The following SFXN5 variants were observed in gnomAD, a reference collection of about 807,000 sequenced individuals.
SFXN5 encodes sideroflexin-5.
A neutral mutation model predicts 50.2 loss-of-function variants in SFXN5; 43 were observed. That is an observed-to-expected ratio of 0.86 (90% CI 0.67 to 1.11). The LOEUF (loss-of-function observed/expected upper bound fraction) is 1.11, where lower values mean the gene tolerates loss of function less well. Among genes scored for constraint, SFXN5 ranks in the 50% least tolerant of loss-of-function variants. The pLI, the probability that SFXN5 is intolerant of heterozygous loss-of-function variation, is 0.00. For synonymous variants in SFXN5, 203 were observed against 185.8 expected (o/e 1.09, Z -0.75); for missense variants, 463 against 454.1 (o/e 1.02, Z -0.18).
rs924218157 is a variant in SFXN5, at chr2:73,020,003, A to C, written c.357+236T>G. 1.8e-5 allele frequency: 9 copies of C among 493,206 alleles called. No homozygotes were observed. In the East Asian group the frequency reaches 2.9e-4, roughly 16 times the overall value. 30.6% of individuals were successfully genotyped at this position (493,206 alleles called of 1,614,324 possible). On this transcript the variant is annotated intron_variant, in intron 6 of 13. Coordinates refer to ENST00000272433, the MANE Select transcript of SFXN5 (RefSeq NM_144579.3). ...GGGGACAGAAAACGTGCAGGGAAGA[A>C]GGCAATTTTCAACTCAACGCTGGAT...
chr2:73,064,759 G>C (rs2106061236), intron 1 of SFXN5, among the ~76,000 whole-genome samples: 1 of 152,304 alleles, frequency 6.6e-6, no homozygotes, highest in East Asian at 1.9e-4. Flanking sequence ...CATCTCAGCA[G>C]ATAAGTGAGA....
chr2:73,039,507 C>T (rs1041792914), intron 3 of SFXN5, among the ~76,000 whole-genome samples: 8 of 152,128 alleles, frequency 5.3e-5, no homozygotes, highest in African/African-American at 1.4e-4. Context: ...GTATAGGCCC[C>T]AAAACCATGA....
At chr2:73,066,872 AAAAC>A (rs1228431400) in intron 1 of SFXN5, among the ~76,000 whole-genome samples, 6 of 152,166 alleles carry the variant, frequency 3.9e-5, no homozygotes, top group Admixed American at 6.5e-5. Context: ...AAACAGAAAG[AAAAC>A]AAACAAACAA....
intron 3 of SFXN5, among the ~76,000 whole-genome samples, chr2:73,030,144 A>T (rs1678118909): frequency 6.6e-6 from 1 of 152,050 alleles, no homozygotes; most frequent in African/African-American, 2.4e-5. Flanking sequence ...ACAAAAACAA[A>T]AAAGTCTCAC....
At chr2:73,071,433 C>T (rs993336154) in intron 1 of SFXN5, 171 bp downstream of exon 1, 2 of 615,172 alleles carry the variant, frequency 3.3e-6, no homozygotes, top group Non-Finnish European at 5.6e-6. Context: ...GCGCCCGCCC[C>T]GTTGACCAAT....
rs1413665544 is a variant in SFXN5 at position 73,055,809 on chromosome 2, G to A, written c.171+2719C>T. Among the ~76,000 whole-genome samples, 7 of 152,132 alleles carry A rather than the reference G, an allele frequency of 4.6e-5. No individual in the cohort carries two copies. In the South Asian group the frequency reaches 6.2e-4, roughly 14 times the overall value. On this transcript the variant is annotated intron_variant, in intron 2 of 13. Coordinates refer to ENST00000272433, the MANE Select transcript of SFXN5 (RefSeq NM_144579.3). ...TTTTTTTGTATTTTCAGTAGAGACC[G>A]GGTTTCACCATGTTAGCCAGGATGG...
At chr2:73,039,557 G>A (rs1349381739) in intron 3 of SFXN5, among the ~76,000 whole-genome samples, 1 of 152,150 alleles carries the variant, frequency 6.6e-6, no homozygotes, top group Non-Finnish European at 1.5e-5. Context: ...GGAAAGAAGT[G>A]TGTTTAGAGG....
At position 73,040,865 on chromosome 2, in the gene SFXN5, T is replaced by C. The variant is rs1409855268; in HGVS notation, c.238A>G (p.Thr80Ala). 1.2e-6 allele frequency: 2 copies of C among 1,612,254 alleles called. No individual in the cohort carries two copies. Among genetic ancestry groups the C allele is most frequent in the South Asian group, 1.1e-5 (1 of 90,526 alleles). The change falls in exon 3 of 14, where the codon ACC (threonine) becomes GCC (alanine). Residue 80 changes from threonine (T) to alanine (A), a missense_variant. Transcript: ENST00000272433. ...YKHGTLRPGV[T>A]NEQLWSAQKI... The stretch of plus-strand genomic sequence containing the variant: ...TCCCACAGAGTTACCTGTTCATTGG[T>C]GACCCCCGGGCGCAGGGTCCCATGC...
intron 6 of SFXN5, among the ~76,000 whole-genome samples, chr2:73,008,124 A>G (rs1674961704): frequency 6.6e-6 from 1 of 152,230 alleles, no homozygotes; most frequent in African/African-American, 2.4e-5. Flanking sequence ...CGACACCAGC[A>G]TCTTCTGATA....
chr2:73,058,421 C>T (rs1682408793), intron 2 of SFXN5, 107 bp downstream of exon 2: 6 of 1,028,756 alleles, frequency 5.8e-6, no homozygotes, highest in Non-Finnish European at 7.6e-6. Flanking sequence ...TCTCACCTCC[C>T]CTATTCTCTT....
chr2:72,965,678 A>T (rs1233672489), intron 12 of SFXN5, among the ~76,000 whole-genome samples: 3 of 151,706 alleles, frequency 2.0e-5, no homozygotes, highest in Non-Finnish European at 4.4e-5. Context: ...TCCCCATCGC[A>T]CTCCCTTTGA....
chr2:73,009,370 G>T (rs1239467713), intron 6 of SFXN5, among the ~76,000 whole-genome samples: 1 of 152,228 alleles, frequency 6.6e-6, no homozygotes, highest in African/African-American at 2.4e-5. Context: ...AGTGGCCCAG[G>T]GGTGGGGAGG....
At position 72,950,969 on chromosome 2, in the gene SFXN5, G is replaced by T. The variant is rs1453571433; in HGVS notation, c.946-5870C>A. On this transcript the variant is annotated intron_variant, in intron 13 of 13. Transcript: ENST00000272433. This position sits in a 1 kb window ranked among gnomAD's most constrained non-coding sequence, Gnocchi z 4.2. The stretch of plus-strand genomic sequence containing the variant: ...GCCAGCTCGGGGCGGGCTGGAATCC[G>T]TGGGCCCATCATCTCTTCCATCTGG... Among the ~76,000 whole-genome samples the T allele has an allele frequency of 1.3e-5, 2 of 152,166 alleles. No homozygotes were observed. Among genetic ancestry groups the T allele is most frequent in the Admixed American group, 6.5e-5 (1 of 15,282 alleles).
intron 2 of SFXN5, among the ~76,000 whole-genome samples, chr2:73,052,785 A>G (rs1043428543): frequency 6.6e-6 from 1 of 152,190 alleles, no homozygotes; most frequent in African/African-American, 2.4e-5. Flanking sequence ...AAGGCCAAAG[A>G]TTTCTCCCTT....
intron 3 of SFXN5, among the ~76,000 whole-genome samples, chr2:73,032,000 G>T (rs932180347): frequency 1.3e-5 from 2 of 152,184 alleles, no homozygotes; most frequent in African/African-American, 2.4e-5. Flanking sequence ...GACTCCTTGG[G>T]TCTAGGCTTT....
intron 1 of SFXN5, among the ~76,000 whole-genome samples, chr2:73,068,842 G>T (rs1328418053): frequency 6.6e-6 from 1 of 151,682 alleles, no homozygotes; most frequent in Admixed American, 6.6e-5. Context: ...ATCCAACCTG[G>T]GAGTGCAGGA....
At chr2:73,007,943 C>T (rs956316578) in intron 6 of SFXN5, among the ~76,000 whole-genome samples, 3 of 152,232 alleles carry the variant, frequency 2.0e-5, no homozygotes, top group Non-Finnish European at 4.4e-5. Flanking sequence ...ACTGGAGCGA[C>T]ACCTCCTGTG....
chr2:73,001,293 C>G (rs1038813480), intron 7 of SFXN5, among the ~76,000 whole-genome samples: 8 of 152,208 alleles, frequency 5.3e-5, no homozygotes, highest in Admixed American at 5.2e-4. Flanking sequence ...GACCTCTGTC[C>G]AAAGGTTAGA....
intron 13 of SFXN5, among the ~76,000 whole-genome samples, chr2:72,957,327 C>T (rs749237666): frequency 2.6e-4 from 40 of 152,136 alleles, no homozygotes; most frequent in Non-Finnish European, 4.9e-4. Flanking sequence ...CAAATGGTAG[C>T]CATTATTATT....
Sources: gnomAD v4.1 joint callset for allele counts (sites outside exome capture counted in the v4.1 genomes callset) on GRCh38, gnomAD v4.1.1 for gene constraint, Gnocchi (gnomAD v3.1) non-coding constraint, MANE v1.5 for transcripts, NCBI Gene and HGNC (gene_info 2026-07-23, HGNC 2026-07-21) for gene names.